Variants in TSHZ2 observed in about 807,000 individuals in gnomAD.
TSHZ2 encodes the protein teashirt zinc finger homeobox 2, also known as teashirt homolog 2.
Under a neutral mutation model 74.4 loss-of-function variants are expected in TSHZ2, and 21 were observed. The ratio of observed to expected loss-of-function variants is 0.28; its 90% CI spans 0.20 to 0.41. The LOEUF (loss-of-function observed/expected upper bound fraction) is 0.41. Among genes scored for constraint, TSHZ2 ranks in the 10% least tolerant of loss-of-function variants. The pLI, the probability that TSHZ2 is intolerant of heterozygous loss-of-function variation, is 1.00. For missense variants in TSHZ2, 1,244 were observed against 1,293.5 expected (o/e 0.96, Z 0.59); for synonymous variants, 540 against 515.3 (o/e 1.05, Z -0.65).
intron 1 of TSHZ2, among the ~76,000 whole-genome samples, chr20:53,111,108 G>A (rs1012195424): frequency 4.6e-5 from 7 of 152,144 alleles, no homozygotes; most frequent in Admixed American, 1.3e-4. Context: ...AGAAGTGCAA[G>A]GTCAATCAGA....
intron 1 of TSHZ2, among the ~76,000 whole-genome samples, chr20:53,224,678 C>A (rs891197529): frequency 6.6e-6 from 1 of 151,760 alleles, no homozygotes. Context: ...GGTGAAACCC[C>A]GTCTCTACTA....
chr20:53,019,646 A>G (rs1243292194), intron 1 of TSHZ2, among the ~76,000 whole-genome samples: 6 of 152,238 alleles, frequency 3.9e-5, no homozygotes, highest in East Asian at 3.9e-4. Flanking sequence ...AAAGTGGTGA[A>G]TATATATTCC....
chr20:53,337,279 G>T (rs1317438773), intron 2 of TSHZ2, among the ~76,000 whole-genome samples: 2 of 152,186 alleles, frequency 1.3e-5, no homozygotes, highest in East Asian at 3.8e-4. Context: ...ATCACATCTA[G>T]AAAACACGTT....
intron 1 of TSHZ2, among the ~76,000 whole-genome samples, chr20:53,010,442 T>A (rs1350825620): frequency 4.0e-5 from 6 of 151,224 alleles, no homozygotes; most frequent in African/African-American, 1.2e-4. Flanking sequence ...TAACTCAGAG[T>A]GGAAAACATG....
intron 2 of TSHZ2, among the ~76,000 whole-genome samples, chr20:53,405,936 G>A (rs927340047): frequency 6.6e-6 from 1 of 152,090 alleles, no homozygotes; most frequent in Admixed American, 6.5e-5. Context: ...GGCAGAGGTT[G>A]CAATGAGCCT....
In TSHZ2 at chr20:53,489,178, C is replaced by CG. The variant is rs1367331269; in HGVS notation, c.*2045dup. 1 of 456,082 alleles carries CG rather than the reference C, an allele frequency of 2.2e-6. No homozygotes were observed. The highest frequency in any genetic ancestry group is 4.4e-6 in the Non-Finnish European group (1 of 226,966). The allele number at this position is 456,082 out of a possible 1,614,324, so 28.3% of individuals were successfully genotyped here. On this transcript the variant is annotated 3_prime_UTR_variant, in exon 3 of 3. Transcript: ENST00000371497. The stretch of plus-strand genomic sequence containing the variant: ...ATTTACTCATGGGCATAGGGAATAG[C>CG]GGCTCAAATGTAGTTCTGACATGAA...
At chr20:53,079,409 A>G (rs1250047570) in intron 1 of TSHZ2, among the ~76,000 whole-genome samples, 2 of 152,222 alleles carry the variant, frequency 1.3e-5, no homozygotes, top group East Asian at 1.9e-4. Flanking sequence ...AGACAGTGAC[A>G]TGTTCACACT....
intron 1 of TSHZ2, among the ~76,000 whole-genome samples, chr20:53,023,396 A>C (rs1024345746): frequency 6.6e-6 from 1 of 152,218 alleles, no homozygotes; most frequent in African/African-American, 2.4e-5. Flanking sequence ...GTTAAGCATT[A>C]AACCTCAACA....
Position 53,255,150 on chromosome 20 carries a change from A to C in TSHZ2, c.1692A>C (p.Val564=), listed in dbSNP as rs763049929. The stretch of plus-strand genomic sequence containing the variant: ...CGCCTTTGCCTATGGGATCCCAGGT[A>C]CTGCAGATCCGGCCTAATCTCACCA... ...TKPPLPMGSQ[V]LQIRPNLTNK... The change falls in exon 2 of 3, where the codon GTA becomes GTC. Residue 564 remains valine (V), a synonymous_variant. Transcript: ENST00000371497. This position sits in a 1 kb window ranked among gnomAD's most constrained non-coding sequence, Gnocchi z 4.1. The C allele has an allele frequency of 1.2e-6, 2 of 1,614,172 alleles. No homozygotes were observed. The highest frequency in any genetic ancestry group is 1.7e-6 in the Non-Finnish European group (2 of 1,180,032).
chr20:53,091,970 C>T (rs911374005), intron 1 of TSHZ2, among the ~76,000 whole-genome samples: 3 of 152,018 alleles, frequency 2.0e-5, no homozygotes, highest in Admixed American at 2.0e-4. Context: ...TGCTGGAGCC[C>T]AGGAGTTCAA....
intron 1 of TSHZ2, among the ~76,000 whole-genome samples, chr20:53,009,944 G>A (rs375497603): frequency 7.4e-4 from 112 of 152,264 alleles, no homozygotes; most frequent in African/African-American, 2.6e-3. Context: ...ATATGGCTTC[G>A]TGGCATCTTG....
At chr20:53,322,365 T>C (rs1979304461) in intron 2 of TSHZ2, among the ~76,000 whole-genome samples, 2 of 152,016 alleles carry the variant, frequency 1.3e-5, no homozygotes, top group South Asian at 2.1e-4. Flanking sequence ...ATAGAAAAAT[T>C]AGCTAGGCGT....
intron 2 of TSHZ2, among the ~76,000 whole-genome samples, chr20:53,468,702 AAAAAAAACT>A (rs1204497669): frequency 6.6e-6 from 1 of 150,458 alleles, no homozygotes; most frequent in Admixed American, 6.6e-5. Flanking sequence ...AAAAAAAAAA[AAAAAAAACT>A]AAAAAAACTC....
chr20:53,460,344 T>C (rs1985305433), intron 2 of TSHZ2, among the ~76,000 whole-genome samples: 1 of 152,166 alleles, frequency 6.6e-6, no homozygotes, highest in Admixed American at 6.5e-5. Context: ...TCGCATCGGC[T>C]CCTGAGGCTT....
At chr20:53,183,717 G>C (rs1223833037) in intron 1 of TSHZ2, among the ~76,000 whole-genome samples, 1 of 152,196 alleles carries the variant, frequency 6.6e-6, no homozygotes, top group Non-Finnish European at 1.5e-5. Context: ...CTAGGGACCT[G>C]ATTTCCTGAA....
intron 1 of TSHZ2, among the ~76,000 whole-genome samples, chr20:52,981,315 T>C (rs550099719): frequency 1.3e-5 from 2 of 152,196 alleles, no homozygotes; most frequent in African/African-American, 4.8e-5. Context: ...TGATTGAAGT[T>C]CAAGTCTCTA....
chr20:53,012,499 TA>T (rs2123003344), intron 1 of TSHZ2, among the ~76,000 whole-genome samples: 1 of 152,304 alleles, frequency 6.6e-6, no homozygotes, highest in African/African-American at 2.4e-5. Flanking sequence ...AAACACACTT[TA>T]AAGCTTGGGA....
chr20:53,168,094 G>C lies in TSHZ2; in HGVS notation c.41-85405G>C, dbSNP rs187988556. Among the ~76,000 whole-genome samples the C allele has an allele frequency of 8.4e-4, 128 of 152,284 alleles. 1 individual carries two copies. The highest frequency in any genetic ancestry group is 3.2e-4 in the Non-Finnish European group (22 of 68,010). On this transcript the variant is annotated intron_variant, in intron 1 of 2. Coordinates refer to ENST00000371497, the MANE Select transcript of TSHZ2 (RefSeq NM_173485.6). ...GTTCTTTTTGGCATCATGGGTGTGT[G>C]ATTATGTCCAGAAGGCAAGCAAACC...
chr20:53,172,542 A>G (rs897623032), intron 1 of TSHZ2, among the ~76,000 whole-genome samples: 4 of 152,142 alleles, frequency 2.6e-5, no homozygotes, highest in Admixed American at 6.5e-5. Context: ...CAGACTTACA[A>G]CGTTCAACAA....
Sources: gnomAD v4.1 joint callset for allele counts (sites outside exome capture counted in the v4.1 genomes callset) on GRCh38, gnomAD v4.1.1 for gene constraint, Gnocchi (gnomAD v3.1) non-coding constraint, MANE v1.5 for transcripts, NCBI Gene and HGNC (gene_info 2026-07-23, HGNC 2026-07-21) for gene names.